The following KAZN variants were observed in gnomAD, a reference collection of about 807,000 sequenced individuals.
KAZN encodes the protein kazrin.
A neutral mutation model predicts 87.4 loss-of-function variants in KAZN; 40 were observed. That is an observed-to-expected ratio of 0.46 (90% CI 0.36 to 0.60). The LOEUF (loss-of-function observed/expected upper bound fraction) is 0.60, where lower values mean the gene tolerates loss of function less well. Among genes scored for constraint, KAZN ranks in the 20% least tolerant of loss-of-function variants. KAZN has a pLI of 0.00. For synonymous variants in KAZN, 466 were observed against 458.3 expected (o/e 1.02, Z -0.22); for missense variants, 898 against 1,073.9 (o/e 0.84, Z 2.29).
At chr1:14,724,182 C>T (rs554472816) in intron 1 of KAZN, among the ~76,000 whole-genome samples, 35 of 152,102 alleles carry the variant, frequency 2.3e-4, no homozygotes, top group Non-Finnish European at 4.4e-4. Context: ...TTCTTTCATG[C>T]GCTTTTTAAA....
At chr1:14,506,812 T>G (rs771248821) in intron 2 of KAZN, among the ~76,000 whole-genome samples, 1 of 152,186 alleles carries the variant, frequency 6.6e-6, no homozygotes, top group African/African-American at 2.4e-5. Flanking sequence ...TTGTCAGCTA[T>G]AAGAAAAACA....
chr1:14,275,907 G>C (rs1359867827), intron 2 of KAZN, among the ~76,000 whole-genome samples: 1 of 152,164 alleles, frequency 6.6e-6, no homozygotes, highest in African/African-American at 2.4e-5. Flanking sequence ...GGATTCTCAG[G>C]CTTGGTTCTC....
intron 2 of KAZN, among the ~76,000 whole-genome samples, chr1:14,362,700 G>A (rs1659623570): frequency 6.6e-6 from 1 of 152,172 alleles, no homozygotes; most frequent in South Asian, 2.1e-4. Flanking sequence ...ATCAGAATTA[G>A]TATCCCTATT....
At position 15,056,267 on chromosome 1, in the gene KAZN, T is replaced by A; in HGVS notation, c.903T>A (p.Pro301=). 1 of 1,606,480 alleles carries A rather than the reference T, an allele frequency of 6.2e-7. No homozygotes were observed. Among genetic ancestry groups the A allele is most frequent in the Non-Finnish European group, 8.5e-7 (1 of 1,174,006 alleles). ...QTLYHSHPPH[P]ADRQAVRVSP... ...TCTACCACTCACACCCCCCTCACCC[T>A]GCGGACCGGCAAGGTGAGTCCTGCC... The change falls in exon 5 of 15, where the codon CCT becomes CCA. Residue 301 remains proline (P), a synonymous_variant. Transcript: ENST00000376030. This position sits in a 1 kb window ranked among gnomAD's most constrained non-coding sequence, Gnocchi z 5.4.
chr1:14,020,659 A>G (rs1347164854), intron 1 of KAZN, among the ~76,000 whole-genome samples: 1 of 152,256 alleles, frequency 6.6e-6, no homozygotes, highest in Non-Finnish European at 1.5e-5. Context: ...TGGGAAAGAC[A>G]AGATAATTCA....
At chr1:14,409,316 A>G (rs1664112825) in intron 2 of KAZN, among the ~76,000 whole-genome samples, 1 of 152,224 alleles carries the variant, frequency 6.6e-6, no homozygotes, top group Non-Finnish European at 1.5e-5. Context: ...CTTAGACTCA[A>G]GAGCAATGAG....
chr1:13,979,126 A>C (rs1557759320), intron 1 of KAZN, among the ~76,000 whole-genome samples: 2 of 152,070 alleles, frequency 1.3e-5, no homozygotes, highest in Non-Finnish European at 1.5e-5. Context: ...AATTTGAAGA[A>C]ATTACTGACT....
At chr1:13,927,388 G>T (rs1640322537) in intron 1 of KAZN, among the ~76,000 whole-genome samples, 1 of 152,184 alleles carries the variant, frequency 6.6e-6, no homozygotes, top group African/African-American at 2.4e-5. Flanking sequence ...CCTGGGAGCT[G>T]TTTACAGACA....
At chr1:13,970,414 G>T (rs1642096434) in intron 1 of KAZN, among the ~76,000 whole-genome samples, 1 of 152,206 alleles carries the variant, frequency 6.6e-6, no homozygotes, top group Non-Finnish European at 1.5e-5. Context: ...CAGGTGAGGA[G>T]ACTTAGGATC....
rs1654160261 is a variant in KAZN, at chr1:14,887,150, T to G, written c.227-73534T>G. On this transcript the variant is annotated intron_variant, in intron 1 of 14. Transcript: ENST00000376030. ...GCTAATGCCCCTTTCCTCCTCTGTT[T>G]TCCCATTTCCTTCCTGCTTCCCCTT... Among the ~76,000 whole-genome samples the G allele has an allele frequency of 2.0e-5, 3 of 152,244 alleles. No homozygotes were observed. The South Asian group carries it at 6.2e-4, about 31-fold the overall frequency.
Position 15,000,796 on chromosome 1 carries a change from G to T in KAZN, c.419-33953G>T, listed in dbSNP as rs562533579. Among the ~76,000 whole-genome samples, 39 of 152,088 alleles carry T rather than the reference G, an allele frequency of 2.6e-4. 1 individual carries two copies. The highest frequency in any genetic ancestry group is 8.9e-4 in the African/African-American group (37 of 41,348). On this transcript the variant is annotated intron_variant, in intron 2 of 14. Transcript: ENST00000376030. ...GCTTGTACGTTTGGATCAACATTAG[G>T]CAACCTGGATTCAAATTCCAGCTTT...
intron 1 of KAZN, among the ~76,000 whole-genome samples, chr1:14,745,334 G>A (rs1269636990): frequency 1.3e-5 from 2 of 151,736 alleles, no homozygotes; most frequent in African/African-American, 4.8e-5. Flanking sequence ...TTTTTAAATG[G>A]TACGCAGCTC....
At chr1:15,044,730 CA>C (rs35013376) in intron 4 of KAZN, among the ~76,000 whole-genome samples, 346 of 110,436 alleles carry the variant, frequency 3.1e-3, no homozygotes, top group Middle Eastern at 0.017. Context: ...CTGTCTCAAA[CA>C]AAAAAAAAAA....
At chr1:14,493,821 AATG>A (rs1259426845) in intron 2 of KAZN, among the ~76,000 whole-genome samples, 3 of 152,160 alleles carry the variant, frequency 2.0e-5, no homozygotes, top group Non-Finnish European at 4.4e-5. Context: ...ATTAATCTGC[AATG>A]ATGATTGTGT....
chr1:14,409,645 C>T (rs961882097), intron 2 of KAZN, among the ~76,000 whole-genome samples: 3 of 152,090 alleles, frequency 2.0e-5, no homozygotes, highest in Admixed American at 6.5e-5. Context: ...GCACCTTCAA[C>T]CCAGGTCACA....
chr1:14,218,856 A>G (rs1296334381), intron 2 of KAZN, among the ~76,000 whole-genome samples: 1 of 151,906 alleles, frequency 6.6e-6, no homozygotes, highest in Non-Finnish European at 1.5e-5. Flanking sequence ...ATTAAATTAG[A>G]ATATTACTAT....
At chr1:14,295,875 C>T (rs1654074233) in intron 2 of KAZN, among the ~76,000 whole-genome samples, 1 of 152,154 alleles carries the variant, frequency 6.6e-6, no homozygotes, top group Non-Finnish European at 1.5e-5. Context: ...GGGGTACTGT[C>T]TGCCTCTTCT....
At chr1:14,142,744 G>C (rs1274724966) in intron 1 of KAZN, among the ~76,000 whole-genome samples, 1 of 152,222 alleles carries the variant, frequency 6.6e-6, no homozygotes, top group East Asian at 1.9e-4. Context: ...TGCAGCTGGA[G>C]GGCCTCTCCT....
In KAZN at chr1:15,066,060, G is replaced by A. The variant is rs1198426188; in HGVS notation, c.1222+307G>A. On this transcript the variant is annotated intron_variant, in intron 8 of 14. Transcript: ENST00000376030. This position sits in a 1 kb window ranked among gnomAD's most constrained non-coding sequence, Gnocchi z 4.3. The stretch of plus-strand genomic sequence containing the variant: ...GTCAACTCTCTGTCGTCTTTGGAGC[G>A]ATACAGTTGTGTTGTTAATCTGGTT... 2.5e-6 allele frequency: 3 copies of A among 1,200,358 alleles called. No individual in the cohort carries two copies. Among genetic ancestry groups the A allele is most frequent in the Non-Finnish European group, 3.1e-6 (3 of 967,900 alleles). The allele number at this position is 1,200,358 out of a possible 1,614,324, so 74.4% of individuals were successfully genotyped here. A position where few individuals can be genotyped will look rare whatever the true frequency, so the allele number is the denominator to read the frequency against.
Sources: gnomAD v4.1 joint callset for allele counts (sites outside exome capture counted in the v4.1 genomes callset) on GRCh38, gnomAD v4.1.1 for gene constraint, Gnocchi (gnomAD v3.1) non-coding constraint, MANE v1.5 for transcripts, NCBI Gene and HGNC (gene_info 2026-07-23, HGNC 2026-07-21) for gene names.